Variants in SLFN13 observed in about 807,000 individuals in gnomAD.
The protein encoded by SLFN13 is schlafen-13.
Under a neutral mutation model 50.6 loss-of-function variants are expected in SLFN13, and 43 were observed. The observed-to-expected ratio is 0.85, with a 90% CI of 0.67 to 1.09. The LOEUF (loss-of-function observed/expected upper bound fraction) is 1.09, where lower values mean the gene tolerates loss of function less well. SLFN13 is among the 50% of genes least tolerant of loss of function. The probability of loss-of-function intolerance (pLI) is 0.00; values close to 1 mark genes in which losing one functional copy is unlikely to be tolerated. For synonymous variants in SLFN13, 339 were observed against 386.5 expected, an observed-to-expected ratio of 0.88 and a Z score of 1.44; for missense variants, 881 against 1,071.1, an observed-to-expected ratio of 0.82 and a Z score of 2.48.
rs745872539 is a variant in SLFN13, at chr17:35,444,922, A to C, written c.759T>G (p.Ser253Arg). The change falls in exon 3 of 6, where the codon AGT becomes AGG. Residue 253 changes from serine (S) to arginine (R), a missense_variant. Ser to Arg is a moderately radical substitution (Grantham distance 110, BLOSUM62 -1). Transcript: ENST00000285013. ...CTTTGGCACATCCCAGGACTTTCCTACTCTTATCATCCACTCCAATAAAAA... is the reference window on the plus strand; with the variant it reads ...CTTTGGCACATCCCAGGACTTTCCTCCTCTTATCATCCACTCCAATAAAAA... The part of the protein sequence containing the change: ...GYLFIGVDDK[S>R]RKVLGCAKEQ... 2 of 1,614,034 alleles carry C rather than the reference A, an allele frequency of 1.2e-6. No individual in the cohort carries two copies. Among genetic ancestry groups the C allele is most frequent in the African/African-American group, 2.7e-5 (2 of 74,916 alleles).
At chr17:35,444,493 T>G in intron 3 of SLFN13, 122 bp downstream of exon 3, 8 of 859,422 alleles carry the variant, frequency 9.3e-6, no homozygotes, top group Non-Finnish European at 1.3e-5. Context: ...ATGAAAAGCA[T>G]GGAGATTTAG....
upstream of SLFN13, among the ~76,000 whole-genome samples, chr17:35,449,072 A>T (rs980938209): frequency 9.3e-5 from 14 of 151,300 alleles, no homozygotes; most frequent in Non-Finnish European, 1.9e-4. Context: ...AACAACAACA[A>T]CAAAATTACT....
At chr17:35,449,358 TCCCGGAGCCTGCGGTCCCGCCTTC>T (rs1419582941), upstream of SLFN13, among the ~76,000 whole-genome samples, 1 of 151,940 alleles carries the variant, frequency 6.6e-6, no homozygotes, top group Non-Finnish European at 1.5e-5. Context: ...CTCTCTCCTT[TCCCGGAGCCTGCGGTCCCGCCTTC>T]CCCGGACCCC....
intron 3 of SLFN13, 137 bp downstream of exon 3, chr17:35,444,478 C>A: frequency 1.3e-6 from 1 of 768,230 alleles, no homozygotes; most frequent in Non-Finnish European, 1.9e-6. Flanking sequence ...TAAAACTTCC[C>A]ATCTATGAAA....
At chr17:35,446,202 G>GA (rs1450984932) in intron 2 of SLFN13, among the ~76,000 whole-genome samples, 1 of 152,158 alleles carries the variant, frequency 6.6e-6, no homozygotes, top group Non-Finnish European at 1.5e-5. Context: ...AAAAATCAAA[G>GA]AAGTAAGAGA....
Position 35,440,726 on chromosome 17 carries a change from G to A in SLFN13, c.2563C>T (p.Arg855Trp), listed in dbSNP as rs371744448. The A allele has an allele frequency of 7.1e-5, 115 of 1,613,908 alleles. No homozygotes were observed. The highest frequency in any genetic ancestry group is 8.9e-5 in the East Asian group (4 of 44,882). ...LGVHIVLDSVRRFSGLERSIV... is the reference protein window; with the variant it reads ...LGVHIVLDSVWRFSGLERSIV... ...CTCCTTTCCAGGCCTGAGAATCGCC[G>A]GACACTGTCCAACACAATGTGCACA... The change falls in exon 6 of 6, where the codon CGG (arginine) becomes TGG (tryptophan). Residue 855 changes from arginine to tryptophan, a missense_variant. Physicochemically the swap from Arg to Trp is moderately radical, Grantham distance 101 (BLOSUM62 -3). Coordinates refer to ENST00000285013, the MANE Select transcript of SLFN13 (RefSeq NM_144682.6).
In SLFN13 at chr17:35,440,263, G is replaced by C. The variant is rs80320498; in HGVS notation, c.*332C>G. On this transcript the variant is annotated 3_prime_UTR_variant, in exon 6 of 6. Coordinates refer to ENST00000285013, the MANE Select transcript of SLFN13 (RefSeq NM_144682.6). The stretch of plus-strand genomic sequence containing the variant: ...TCCAGCCTTGGAAGAAAGGCCACAG[G>C]CTGAGTTTCTTATTTTTATGGCTTT... The C allele has an allele frequency of 1.1e-4, 27 of 254,280 alleles. No individual in the cohort carries two copies. The East Asian group carries it at 2.0e-3, about 19-fold the overall frequency. The allele number at this position is 254,280 out of a possible 1,614,324, so 15.8% of individuals were successfully genotyped here. A position where few individuals can be genotyped will look rare whatever the true frequency, so the allele number is the denominator to read the frequency against.
At chr17:35,441,476 C>T in intron 5 of SLFN13, 87 bp downstream of exon 5, 2 of 1,596,978 alleles carry the variant, frequency 1.3e-6, no homozygotes, top group Admixed American at 1.7e-5. Flanking sequence ...CATTTTACCA[C>T]TCAATTCTCA....
In SLFN13 at chr17:35,441,597, C is replaced by T. The variant is rs537700636; in HGVS notation, c.1888G>A (p.Val630Ile). The stretch of plus-strand genomic sequence containing the variant: ...TTCCTCAGAGGCTGGTTTTCACAAA[C>T]GTAGAGAATTCTGTGTGCCTCACAG... ...FHCEAHRILY[V>I]CENQPLRNFI... Residue 630 changes from valine (V) to isoleucine (I), a missense_variant, in exon 5 of 6, where the codon GTT becomes ATT. Transcript: ENST00000285013. The T allele has an allele frequency of 1.7e-5, 27 of 1,598,526 alleles. No homozygotes were observed. The highest frequency in any genetic ancestry group is 1.1e-4 in the African/African-American group (8 of 72,766).
chr17:35,440,924 C>T lies in SLFN13; in HGVS notation c.2365G>A (p.Val789Met), dbSNP rs138317636. 1.0e-4 allele frequency: 167 copies of T among 1,613,888 alleles called. No individual in the cohort carries two copies. Among genetic ancestry groups the T allele is most frequent in the Non-Finnish European group, 1.3e-4 (158 of 1,180,024 alleles). The change falls in exon 6 of 6, where the codon GTG becomes ATG. Residue 789 changes from valine (V) to methionine (M), a missense_variant. Physicochemically the swap from Val to Met is conservative, Grantham distance 21. This residue lies in a region of SLFN13 where 322 missense variants were observed against 327.4 expected (regional missense o/e 0.98). Transcript: ENST00000285013. The part of the protein sequence containing the change: ...IIKNFTLEQI[V>M]TYVADTCRCF... ...CTGCAGGTGTCTGCCACATAGGTCA[C>T]TATTTGCTCCAAAGTAAAGTTTTTA...
In SLFN13 at chr17:35,440,224, A is replaced by AAG. The variant is rs3056652; in HGVS notation, c.*369_*370dup. ...CAACAAACTACACGAAGTCACATAAAAGAACTCGAGAACTCCAGCCTTGGA... is the reference window on the plus strand; with the variant it reads ...CAACAAACTACACGAAGTCACATAAAAGAGAACTCGAGAACTCCAGCCTTGGA... On this transcript the variant is annotated 3_prime_UTR_variant, in exon 6 of 6. Transcript: ENST00000285013. The AAG allele has an allele frequency of 0.59, 118,534 of 200,014 alleles. 37,181 individuals are homozygous for AAG. The highest frequency in any genetic ancestry group is 0.81 in the African/African-American group (34,743 of 42,968). The allele number at this position is 200,014 out of a possible 1,614,324, so 12.4% of individuals were successfully genotyped here. A position where few individuals can be genotyped will look rare whatever the true frequency, so the allele number is the denominator to read the frequency against.
chr17:35,446,704 A>T (rs1436123724), intron 2 of SLFN13: 4 of 152,234 alleles, frequency 2.6e-5, no homozygotes, highest in African/African-American at 4.8e-5. Context: ...AAGTAGCATC[A>T]TCAAGTGTAC....
intron 2 of SLFN13, chr17:35,445,923 A>C (rs767848047): frequency 1.2e-5 from 5 of 427,020 alleles, no homozygotes; most frequent in Non-Finnish European, 2.1e-5. Flanking sequence ...AAACACATTG[A>C]ATAGGGTATC....
At position 35,440,212 on chromosome 17, in the gene SLFN13, G is replaced by A. The variant is rs900912258; in HGVS notation, c.*383C>T. 7.9e-5 allele frequency: 11 copies of A among 138,712 alleles called. No homozygotes were observed. The highest frequency in any genetic ancestry group is 4.1e-4 in the Admixed American group (6 of 14,634). The allele number at this position is 138,712 out of a possible 1,614,324, so 8.6% of individuals were successfully genotyped here. A position where few individuals can be genotyped will look rare whatever the true frequency, so the allele number is the denominator to read the frequency against. ...AATTTTTTAAAGCAACAAACTACAC[G>A]AAGTCACATAAAAGAACTCGAGAAC... On this transcript the variant is annotated 3_prime_UTR_variant, in exon 6 of 6. Coordinates refer to ENST00000285013, the MANE Select transcript of SLFN13 (RefSeq NM_144682.6).
rs776629355 is a variant in SLFN13 at position 35,440,868 on chromosome 17, C to T, written c.2421G>A (p.Lys807=). The change falls in exon 6 of 6, where the codon AAG becomes AAA. Residue 807 remains lysine (K), a synonymous_variant. Transcript: ENST00000285013. The part of the protein sequence containing the change: ...RCFFERGYSP[K]DVAVLVSTVT... ...CGGTGCTGACAAGCACAGCAACATC[C>T]TTTGGAGAATAGCCCCTTTCAAAGA... The T allele has an allele frequency of 1.2e-6, 2 of 1,614,154 alleles. No homozygotes were observed. Among genetic ancestry groups the T allele is most frequent in the South Asian group, 2.2e-5 (2 of 91,084 alleles).
At position 35,444,598 on chromosome 17, in the gene SLFN13, A is replaced by G. The variant is rs771036354; in HGVS notation, c.1066+17T>C. Reference sequence around the variant, plus strand: ...GAGGTAGAAAGGTCAGGAAGGGAGAATCTGGTTCCCTCTTACCTGGATCTG... The same window carrying G: ...GAGGTAGAAAGGTCAGGAAGGGAGAGTCTGGTTCCCTCTTACCTGGATCTG... On this transcript the variant is annotated intron_variant, in intron 3 of 5. Coordinates refer to ENST00000285013, the MANE Select transcript of SLFN13 (RefSeq NM_144682.6). 14 of 1,606,262 alleles carry G rather than the reference A, an allele frequency of 8.7e-6. No individual in the cohort carries two copies. In the Admixed American group the frequency reaches 1.3e-4, roughly 15 times the overall value.
chr17:35,441,102 T>G lies in SLFN13; in HGVS notation c.2187A>C (p.Arg729Ser). ...CTATTTCATCTGCATTGCGAACTAC[T>G]CTGGTGAGCTCTTCTCTTGGATACT... ...SAQYPREELT[R>S]VVRNADEIAE... Residue 729 changes from arginine (R) to serine (S), a missense_variant, in exon 6 of 6, where the codon AGA (arginine) becomes AGC (serine). Transcript: ENST00000285013. The G allele has an allele frequency of 6.2e-7, 1 of 1,614,072 alleles. No individual in the cohort carries two copies. Among genetic ancestry groups the G allele is most frequent in the Admixed American group, 1.7e-5 (1 of 60,022 alleles).
At chr17:35,442,431 T>C in intron 4 of SLFN13, 145 bp from the exon 5 acceptor site, 1 of 994,410 alleles carries the variant, frequency 1.0e-6, no homozygotes, top group East Asian at 2.7e-5. Flanking sequence ...TCTGGTTTTT[T>C]GTTTGTTTGT....
intron 4 of SLFN13, among the ~76,000 whole-genome samples, chr17:35,443,365 A>G (rs1913025481): frequency 1.3e-5 from 2 of 152,188 alleles, no homozygotes; most frequent in African/African-American, 2.4e-5. Context: ...TTCCTTTTAC[A>G]GACATAATTC....
Sources: gnomAD v4.1 joint callset for allele counts (sites outside exome capture counted in the v4.1 genomes callset) on GRCh38, gnomAD v4.1.1 for gene constraint, gnomAD v4.1.1 regional missense constraint, MANE v1.5 for transcripts, NCBI Gene and HGNC (gene_info 2026-07-23, HGNC 2026-07-21) for gene names.